The following PRKDC variants were observed in gnomAD, a reference collection of about 807,000 sequenced individuals.
PRKDC encodes protein kinase, DNA-activated, catalytic subunit, also known as DNA-dependent protein kinase catalytic subunit.
Under a neutral mutation model 486.9 loss-of-function variants are expected in PRKDC, and 82 were observed. That is an observed-to-expected ratio of 0.17 (90% CI 0.14 to 0.20). PRKDC has a LOEUF of 0.20. Among genes scored for constraint, PRKDC ranks in the 10% least tolerant of loss-of-function variants. The pLI is 1.00. For missense variants in PRKDC, 4,504 were observed against 5,038.2 expected (o/e 0.89, Z 3.21); for synonymous variants, 1,895 against 1,837.0 (o/e 1.03, Z -0.81).
At chr8:47,911,223 AC>A (rs1423163905) in intron 25 of PRKDC, among the ~76,000 whole-genome samples, 4 of 152,214 alleles carry the variant, frequency 2.6e-5, no homozygotes, top group Non-Finnish European at 5.9e-5. Flanking sequence ...AGCAAGGAAC[AC>A]CAGGCTCTGT....
rs1372030983 is a variant in PRKDC at position 47,839,953 on chromosome 8, G to A, written c.7454+63C>T. The A allele has an allele frequency of 5.2e-6, 7 of 1,336,862 alleles. No individual in the cohort carries two copies. In the South Asian group the frequency reaches 6.1e-5, roughly 12 times the overall value. The allele number at this position is 1,336,862 out of a possible 1,614,324, so 82.8% of individuals were successfully genotyped here. A position where few individuals can be genotyped will look rare whatever the true frequency, so the allele number is the denominator to read the frequency against. On this transcript the variant is annotated intron_variant, in intron 55 of 85. Coordinates refer to ENST00000314191, the MANE Select transcript of PRKDC (RefSeq NM_006904.7). ...GTTTGTGCCCCTGTACTCCAGCCTC[G>A]TCGACAGAGCAAGACCTTATCTCAA...
At chr8:47,950,272 C>CA (rs200893278) in intron 7 of PRKDC, among the ~76,000 whole-genome samples, 1,313 of 76,700 alleles carry the variant, frequency 0.017, 11 homozygotes, top group South Asian at 0.042. Context: ...AACTCTGTCT[C>CA]AAAAAAAAAA....
rs59080558 is a variant in PRKDC, at chr8:47,936,072, AAC to A, written c.1279-174_1279-173del. On this transcript the variant is annotated intron_variant, in intron 12 of 85. Transcript: ENST00000314191. ...ATTACTGTGATTGCCTTAAAAAAAA[AAC>A]ACACACTCAGAGTAAAAATTGTCTT... 0.034 allele frequency among the ~76,000 whole-genome samples: 5,183 copies of A among 152,276 alleles called. 243 individuals are homozygous for A. Among genetic ancestry groups the A allele is most frequent in the African/African-American group, 0.11 (4,688 of 41,522 alleles).
At chr8:47,938,367 T>C (rs867359113) in intron 11 of PRKDC, among the ~76,000 whole-genome samples, 1 of 147,902 alleles carries the variant, frequency 6.8e-6, no homozygotes, top group Middle Eastern at 3.5e-3. Flanking sequence ...GCCGAGGTCA[T>C]GCCATCGCAC....
chr8:47,885,969 T>C lies in PRKDC; in HGVS notation c.4751A>G (p.Gln1584Arg), dbSNP rs760121553. The C allele has an allele frequency of 1.9e-6, 3 of 1,613,698 alleles. No homozygotes were observed. The South Asian group carries it at 3.3e-5, about 18-fold the overall frequency. The change falls in exon 36 of 86, where the codon CAG (glutamine) becomes CGG (arginine). Residue 1584 changes from glutamine to arginine, a missense_variant. By Grantham distance (43) the Gln-to-Arg change is conservative. Coordinates refer to ENST00000314191, the MANE Select transcript of PRKDC (RefSeq NM_006904.7). The stretch of plus-strand genomic sequence containing the variant: ...CATTTTGGTATTATCCACTGAAGAC[T>C]GCATGAGCTCCAATACAGCAAGATC... The part of the protein sequence containing the change: ...NLDLAVLELM[Q>R]SSVDNTKMVS...
chr8:47,801,684 T>C (rs1187249931), intron 70 of PRKDC, among the ~76,000 whole-genome samples: 2 of 152,098 alleles, frequency 1.3e-5, no homozygotes, highest in South Asian at 2.1e-4. Flanking sequence ...CTGTGGCCCA[T>C]AGCTAATGAA....
intron 27 of PRKDC, among the ~76,000 whole-genome samples, chr8:47,901,292 G>A (rs887356170): frequency 6.6e-6 from 1 of 152,052 alleles, no homozygotes; most frequent in Non-Finnish European, 1.5e-5. Context: ...TGACTAACAT[G>A]GTGAAACCCA....
rs745341885 is a variant in PRKDC at position 47,943,867 on chromosome 8, T to C, written c.794A>G (p.Tyr265Cys). ...AIRPQIDLKR[Y>C]AVPSAGLRLF... ...CAGAATCCTACCTGAGGGCACAGCA[T>C]ATCTCTTCAGATCAATCTATTTTAG... The change falls in exon 9 of 86, where the codon TAT (tyrosine) becomes TGT (cysteine). Residue 265 changes from tyrosine to cysteine, a missense_variant. By Grantham distance (194) the Tyr-to-Cys change is radical. This residue lies in a region of PRKDC where 1,969 missense variants were observed against 2,068.9 expected (regional missense o/e 0.95). Transcript: ENST00000314191. 31 of 1,592,764 alleles carry C rather than the reference T, an allele frequency of 1.9e-5. No homozygotes were observed. Among genetic ancestry groups the C allele is most frequent in the Non-Finnish European group, 2.6e-5 (30 of 1,167,080 alleles).
intron 51 of PRKDC, among the ~76,000 whole-genome samples, chr8:47,853,801 A>C (rs1026995553): frequency 2.6e-5 from 4 of 152,240 alleles, no homozygotes; most frequent in Admixed American, 1.3e-4. Flanking sequence ...CTTCCAAAAA[A>C]ATCTAAATCC....
In PRKDC at chr8:47,879,565, G is replaced by T; in HGVS notation, c.5161C>A (p.His1721Asn). 6.3e-7 allele frequency: 1 copy of T among 1,597,388 alleles called. No homozygotes were observed. Residue 1721 changes from histidine (H) to asparagine (N), a missense_variant, in exon 39 of 86, where the codon CAC (histidine) becomes AAC (asparagine). His to Asn is a moderately conservative substitution (Grantham distance 68). Coordinates refer to ENST00000314191, the MANE Select transcript of PRKDC (RefSeq NM_006904.7). The part of the protein sequence containing the change: ...RRVLEQLIVA[H>N]FPMQSREFPP... ...AATTCCCTGGACTGCATGGGGAAGTGAGCAACGATGAGCTGCTCCAGAACA... is the reference window on the plus strand; with the variant it reads ...AATTCCCTGGACTGCATGGGGAAGTTAGCAACGATGAGCTGCTCCAGAACA...
At chr8:47,863,758 T>C (rs1228161651) in intron 41 of PRKDC, among the ~76,000 whole-genome samples, 181 bp from the exon 42 acceptor site, 1 of 152,224 alleles carries the variant, frequency 6.6e-6, no homozygotes, top group Admixed American at 6.5e-5. Flanking sequence ...AATATAAGCA[T>C]TGATATGTTA....
chr8:47,781,446 G>C (rs1272844731), intron 80 of PRKDC, among the ~76,000 whole-genome samples: 1 of 152,142 alleles, frequency 6.6e-6, no homozygotes, highest in Non-Finnish European at 1.5e-5. Flanking sequence ...AAAAGAATCA[G>C]AGAACATCAA....
rs368308638 is a variant in PRKDC at position 47,887,642 on chromosome 8, G to A, written c.4477C>T (p.Pro1493Ser). The A allele has an allele frequency of 1.9e-6, 3 of 1,608,542 alleles. No homozygotes were observed. Among genetic ancestry groups the A allele is most frequent in the African/African-American group, 1.3e-5 (1 of 74,936 alleles). The part of the protein sequence containing the change: ...LLSLVYKGIA[P>S]GDERQCLPSL... ...GGCAGACACTGTCTCTCATCTCCAG[G>A]GGCAATGCCTTTATAAACCAGGGAA... Residue 1493 changes from proline (P) to serine (S), a missense_variant, in exon 35 of 86, where the codon CCT (proline) becomes TCT (serine). Pro to Ser is a moderately conservative substitution (Grantham distance 74). Coordinates refer to ENST00000314191, the MANE Select transcript of PRKDC (RefSeq NM_006904.7).
intron 66 of PRKDC, among the ~76,000 whole-genome samples, chr8:47,820,234 T>C (rs1156534519): frequency 1.3e-5 from 2 of 151,908 alleles, no homozygotes; most frequent in East Asian, 3.9e-4. Context: ...CCAACATGGT[T>C]AAACCTCGTC....
intron 56 of PRKDC, among the ~76,000 whole-genome samples, chr8:47,838,127 C>A (rs2154499805): frequency 6.6e-6 from 1 of 152,022 alleles, no homozygotes; most frequent in East Asian, 1.9e-4. Context: ...CAGAGTGAGA[C>A]TCCATCTCAA....
chr8:47,950,625 GAA>G (rs1208107553), intron 7 of PRKDC, among the ~76,000 whole-genome samples: 2 of 77,768 alleles, frequency 2.6e-5, no homozygotes, highest in Admixed American at 2.9e-4. Flanking sequence ...CAAGACTCCG[GAA>G]AAAAAAAAAA....
At chr8:47,842,747 A>C (rs2088177266) in intron 54 of PRKDC, among the ~76,000 whole-genome samples, 1 of 152,244 alleles carries the variant, frequency 6.6e-6, no homozygotes, top group South Asian at 2.1e-4. Flanking sequence ...GAAATGGCTG[A>C]AATGACAGAA....
intron 11 of PRKDC, among the ~76,000 whole-genome samples, chr8:47,938,435 GA>G (rs1006381453): frequency 6.9e-6 from 1 of 145,270 alleles, no homozygotes; most frequent in African/African-American, 2.5e-5. Flanking sequence ...AAAAAAGAAA[GA>G]AAAAAAGAAA....
chr8:47,953,372 G>A (rs1215381220), intron 7 of PRKDC, among the ~76,000 whole-genome samples: 1 of 152,200 alleles, frequency 6.6e-6, no homozygotes, highest in Non-Finnish European at 1.5e-5. Context: ...ATGTGTGCAC[G>A]TTAAACTGGT....
Sources: gnomAD v4.1 joint callset for allele counts (sites outside exome capture counted in the v4.1 genomes callset) on GRCh38, gnomAD v4.1.1 for gene constraint, gnomAD v4.1.1 regional missense constraint, MANE v1.5 for transcripts, NCBI Gene and HGNC (gene_info 2026-07-23, HGNC 2026-07-21) for gene names.